The following HIVEP3 variants were observed in gnomAD, a reference collection of about 807,000 sequenced individuals.
HIVEP3 encodes the protein transcription factor HIVEP3.
In HIVEP3, 49 loss-of-function variants were observed where a neutral mutation model predicts 152.8. The ratio of observed to expected loss-of-function variants is 0.32; its 90% CI spans 0.26 to 0.41. The LOEUF (loss-of-function observed/expected upper bound fraction) is 0.41. Ranked by LOEUF, HIVEP3 falls within the 10% of genes least tolerant of loss-of-function variation. HIVEP3 has a pLI of 1.00. For synonymous variants in HIVEP3, 1,269 were observed against 1,289.0 expected (o/e 0.98, Z 0.33); for missense variants, 2,790 against 3,103.3 (o/e 0.90, Z 2.40).
chr1:41,959,886 C>CA (rs773481860), intron 1 of HIVEP3, among the ~76,000 whole-genome samples: 45 of 151,856 alleles, frequency 3.0e-4, no homozygotes, highest in Non-Finnish European at 4.3e-4. Context: ...TAAGAGTAGG[C>CA]AAAAAAACTG....
chr1:41,527,234 ACACTCACCT>A (rs1162952216), intron 5 of HIVEP3, among the ~76,000 whole-genome samples: 2 of 53,660 alleles, frequency 3.7e-5, no homozygotes, highest in African/African-American at 1.6e-4. Flanking sequence ...TCACCCTCAC[ACACTCACCT>A]CACACACACA....
At chr1:41,800,106 C>T (rs1390744150) in intron 1 of HIVEP3, among the ~76,000 whole-genome samples, 2 of 152,170 alleles carry the variant, frequency 1.3e-5, no homozygotes, top group Admixed American at 6.5e-5. Context: ...AGCCATTTCA[C>T]GAAGGTTTCC....
chr1:41,945,856 A>G (rs922002336), intron 1 of HIVEP3, among the ~76,000 whole-genome samples: 5 of 152,206 alleles, frequency 3.3e-5, no homozygotes, highest in African/African-American at 1.2e-4. Flanking sequence ...ACTCTACTGA[A>G]GGCCAACTAA....
intron 1 of HIVEP3, among the ~76,000 whole-genome samples, chr1:41,827,403 C>G (rs1255219677): frequency 6.6e-6 from 1 of 152,140 alleles, no homozygotes; most frequent in Non-Finnish European, 1.5e-5. Context: ...ACCAATTTAC[C>G]ATCACCTGCA....
At chr1:42,005,006 G>A (rs536890653) in intron 1 of HIVEP3, among the ~76,000 whole-genome samples, 29 of 152,266 alleles carry the variant, frequency 1.9e-4, no homozygotes, top group Non-Finnish European at 3.7e-4. Flanking sequence ...GAGGGGACAG[G>A]AAATCCCCAC....
intron 2 of HIVEP3, among the ~76,000 whole-genome samples, chr1:41,640,341 C>T (rs2149156661): frequency 6.6e-6 from 1 of 152,248 alleles, no homozygotes; most frequent in South Asian, 2.1e-4. Context: ...TATCAGGCCA[C>T]ACCTCGCAGC....
At chr1:42,014,374 G>A (rs1163079336) in intron 1 of HIVEP3, among the ~76,000 whole-genome samples, 2 of 152,066 alleles carry the variant, frequency 1.3e-5, no homozygotes, top group African/African-American at 4.8e-5. Context: ...CACACAGCAA[G>A]GAAGGAGGGG....
At chr1:41,819,648 G>A (rs1642528158) in intron 1 of HIVEP3, among the ~76,000 whole-genome samples, 1 of 152,002 alleles carries the variant, frequency 6.6e-6, no homozygotes, top group Admixed American at 6.5e-5. Flanking sequence ...CAGACTTATG[G>A]GGGATTAGTT....
chr1:41,830,742 C>G (rs1019483171), intron 1 of HIVEP3, among the ~76,000 whole-genome samples: 5 of 152,192 alleles, frequency 3.3e-5, no homozygotes, highest in South Asian at 2.1e-4. Flanking sequence ...CCCTCTCCCC[C>G]ACCCTGTGTC....
At chr1:41,955,690 C>T (rs1158752911) in intron 1 of HIVEP3, among the ~76,000 whole-genome samples, 8 of 152,174 alleles carry the variant, frequency 5.3e-5, no homozygotes, top group Non-Finnish European at 1.0e-4. Flanking sequence ...TTTGTTCTCT[C>T]ATTTTTGTCC....
In HIVEP3 at chr1:41,510,306, A is replaced by G. The variant is rs1644430656; in HGVS notation, c.*145T>C. 1 of 558,202 alleles carries G rather than the reference A, an allele frequency of 1.8e-6. No individual in the cohort carries two copies. The highest frequency in any genetic ancestry group is 2.8e-6 in the Non-Finnish European group (1 of 350,940). 34.6% of individuals were successfully genotyped at this position (558,202 alleles called of 1,614,324 possible). ...GAAAAAGGCACAGGTAACTGCATAC[A>G]TGGGAAGGTACAACAGATGGGGCCG... On this transcript the variant is annotated 3_prime_UTR_variant, in exon 9 of 9. Coordinates refer to ENST00000372583, the MANE Select transcript of HIVEP3 (RefSeq NM_024503.5).
rs189833264 is a variant in HIVEP3 at position 41,812,526 on chromosome 1, C to T, written c.-801+105887G>A. Among the ~76,000 whole-genome samples, 4 of 152,256 alleles carry T rather than the reference C, an allele frequency of 2.6e-5. No individual in the cohort carries two copies. In the East Asian group the frequency reaches 5.8e-4, roughly 22 times the overall value. ...GAGGATAAAGCCCACTGAGGAAATG[C>T]CTGAATTCTAGACAATCTCAGCAGC... On this transcript the variant is annotated intron_variant, in intron 1 of 8. Coordinates refer to ENST00000372583, the MANE Select transcript of HIVEP3 (RefSeq NM_024503.5).
chr1:41,658,640 G>T (rs111492277), intron 2 of HIVEP3, among the ~76,000 whole-genome samples: 1 of 152,190 alleles, frequency 6.6e-6, no homozygotes, highest in East Asian at 1.9e-4. Flanking sequence ...AGGAAGCAGG[G>T]GCTCAAGGGG....
intron 5 of HIVEP3, among the ~76,000 whole-genome samples, chr1:41,528,455 AC>A (rs1399382337): frequency 1.0e-4 from 4 of 39,882 alleles, no homozygotes; most frequent in African/African-American, 4.1e-4. Flanking sequence ...ACCCTCACAC[AC>A]ACCCCACCCT....
At chr1:41,894,227 G>A (rs977544850) in intron 1 of HIVEP3, among the ~76,000 whole-genome samples, 5 of 152,164 alleles carry the variant, frequency 3.3e-5, no homozygotes, top group African/African-American at 4.8e-5. Flanking sequence ...ACCCTATGCT[G>A]TAGTGTTAAC....
intron 1 of HIVEP3, among the ~76,000 whole-genome samples, chr1:41,986,479 C>T (rs1645323676): frequency 2.2e-5 from 3 of 135,150 alleles, no homozygotes; most frequent in African/African-American, 8.2e-5. Context: ...CTTGCTCTTT[C>T]GCCCAGGCCA....
intron 1 of HIVEP3, among the ~76,000 whole-genome samples, chr1:42,027,283 A>G (rs1322286115): frequency 2.0e-5 from 3 of 152,070 alleles, no homozygotes; most frequent in African/African-American, 7.2e-5. Flanking sequence ...ACCATCTCCA[A>G]TTCTCTTTTA....
intron 1 of HIVEP3, among the ~76,000 whole-genome samples, chr1:41,994,528 T>C (rs951714859): frequency 1.3e-5 from 2 of 152,126 alleles, no homozygotes; most frequent in Non-Finnish European, 2.9e-5. Flanking sequence ...CGAGATGTGA[T>C]GGTTTAAAAT....
rs1558047542 is a variant in HIVEP3 at position 41,545,037 on chromosome 1, A to ATCGCTACC, written c.5208-20128_5208-20127insGGTAGCGA. ...CACCACTACCACCACCACCACCACC[A>ATCGCTACC]ATACCACTACCACCACCATCACTAC... is the stretch of plus-strand genomic sequence containing the variant. On this transcript the variant is annotated intron_variant, in intron 5 of 8. Transcript: ENST00000372583. Among the ~76,000 whole-genome samples, 16 of 63,120 alleles carry ATCGCTACC rather than the reference A, an allele frequency of 2.5e-4. 1 individual carries two copies. Among genetic ancestry groups the ATCGCTACC allele is most frequent in the Non-Finnish European group, 3.8e-4 (10 of 26,230 alleles). 41.4% of individuals were successfully genotyped at this position (63,120 alleles called of 152,430 possible).
Sources: gnomAD v4.1 joint callset for allele counts (sites outside exome capture counted in the v4.1 genomes callset) on GRCh38, gnomAD v4.1.1 for gene constraint, MANE v1.5 for transcripts, NCBI Gene and HGNC (gene_info 2026-07-23, HGNC 2026-07-21) for gene names.